EYA2: variants seen among roughly 807,000 people sequenced by gnomAD.
EYA2 encodes the protein protein phosphatase EYA2.
Under a neutral mutation model 69.2 loss-of-function variants are expected in EYA2, and 31 were observed. That is an observed-to-expected ratio of 0.45 (90% CI 0.34 to 0.60). The LOEUF (loss-of-function observed/expected upper bound fraction) is 0.60, where lower values mean the gene tolerates loss of function less well. Among genes scored for constraint, EYA2 ranks in the 20% least tolerant of loss-of-function variants. The pLI is 0.02. For missense variants in EYA2, 622 were observed against 701.2 expected, an observed-to-expected ratio of 0.89 and a Z score of 1.28; for synonymous variants, 257 against 279.4, an observed-to-expected ratio of 0.92 and a Z score of 0.80.
At chr20:47,075,881 G>A (rs182421552) in intron 7 of EYA2, among the ~76,000 whole-genome samples, 125 of 152,028 alleles carry the variant, frequency 8.2e-4, no homozygotes, top group African/African-American at 2.9e-3. Context: ...TAGGTCCTTG[G>A]GTCTATTGTT....
intron 9 of EYA2, among the ~76,000 whole-genome samples, chr20:47,113,024 A>T (rs1199583135): frequency 6.6e-6 from 1 of 151,708 alleles, no homozygotes; most frequent in Non-Finnish European, 1.5e-5. Context: ...AGCATGCACC[A>T]CCACGCCCGG....
chr20:46,957,344 A>G (rs1323942129), intron 1 of EYA2, among the ~76,000 whole-genome samples: 1 of 152,216 alleles, frequency 6.6e-6, no homozygotes, highest in Non-Finnish European at 1.5e-5. Context: ...TACCAGGCTG[A>G]ATAAGATATC....
intron 11 of EYA2, 124 bp from the exon 12 acceptor site, chr20:47,172,583 C>T (rs1365378047): frequency 8.9e-6 from 8 of 903,944 alleles, no homozygotes; most frequent in Non-Finnish European, 1.3e-5. Flanking sequence ...GCACCCTGTG[C>T]ATTTCGAGGG....
chr20:47,161,133 G>A (rs967250517), intron 10 of EYA2: 2 of 335,620 alleles, frequency 6.0e-6, no homozygotes, highest in Non-Finnish European at 1.1e-5. Flanking sequence ...GTGCCCCTGG[G>A]TGCAGGGATG....
At chr20:47,182,041 G>A (rs2034547159) in intron 14 of EYA2, among the ~76,000 whole-genome samples, 2 of 151,772 alleles carry the variant, frequency 1.3e-5, no homozygotes, top group African/African-American at 4.8e-5. Context: ...TTAAGATGGA[G>A]TTTCTCTCTT....
chr20:47,034,271 C>A (rs1008046522), intron 5 of EYA2, among the ~76,000 whole-genome samples: 1 of 152,086 alleles, frequency 6.6e-6, no homozygotes, highest in Non-Finnish European at 1.5e-5. Context: ...TCTTCTCAGA[C>A]AAATTTATTT....
At chr20:46,928,743 C>T (rs1380577778) in intron 1 of EYA2, among the ~76,000 whole-genome samples, 2 of 152,260 alleles carry the variant, frequency 1.3e-5, no homozygotes, top group Non-Finnish European at 2.9e-5. Flanking sequence ...AACATTTGCT[C>T]ACGGAAAGCT....
intron 9 of EYA2, among the ~76,000 whole-genome samples, chr20:47,113,380 G>A (rs1051989908): frequency 6.6e-6 from 1 of 152,178 alleles, no homozygotes; most frequent in Admixed American, 6.5e-5. Flanking sequence ...GGAGAGAGGG[G>A]CTGATCGGCT....
Position 47,166,612 on chromosome 20 carries a change from G to A in EYA2, c.979-2527G>A, listed in dbSNP as rs187839821. 5.6e-4 allele frequency among the ~76,000 whole-genome samples: 85 copies of A among 151,926 alleles called. No individual in the cohort carries two copies. In the East Asian group the frequency reaches 8.2e-3, roughly 15 times the overall value. ...CAGCAGCCTTTGTAAGGAGGCAGCT[G>A]CCTCGAGAAATCACCTTGCAACTAA... On this transcript the variant is annotated intron_variant, in intron 10 of 15. Transcript: ENST00000327619.
At chr20:46,905,892 AAG>A (rs1864753518) in intron 1 of EYA2, among the ~76,000 whole-genome samples, 1 of 152,344 alleles carries the variant, frequency 6.6e-6, no homozygotes, top group East Asian at 1.9e-4. Context: ...TACTCAAAGA[AAG>A]GGGAGAAAAT....
chr20:47,167,280 C>CT (rs11470455), intron 10 of EYA2, among the ~76,000 whole-genome samples: 2,619 of 111,584 alleles, frequency 0.023, 133 homozygotes, highest in African/African-American at 0.028. Flanking sequence ...GGTTTTTTTA[C>CT]TTTTTTTTTT....
chr20:47,069,518 A>C (rs1343384837), intron 5 of EYA2, among the ~76,000 whole-genome samples: 1 of 152,144 alleles, frequency 6.6e-6, no homozygotes, highest in Non-Finnish European at 1.5e-5. Flanking sequence ...AAGCTTCAGT[A>C]ATAAGGATAG....
At chr20:47,135,467 CATT>C (rs1244514822) in intron 9 of EYA2, among the ~76,000 whole-genome samples, 3 of 151,488 alleles carry the variant, frequency 2.0e-5, no homozygotes, top group East Asian at 3.9e-4. Flanking sequence ...TCATTATCAA[CATT>C]ATTATTAATT....
At chr20:47,086,051 G>T (rs2031884530) in intron 7 of EYA2, among the ~76,000 whole-genome samples, 1 of 152,182 alleles carries the variant, frequency 6.6e-6, no homozygotes, top group Admixed American at 6.6e-5. Flanking sequence ...GAAAGAAAAA[G>T]AATGAAATTA....
At chr20:46,899,317 C>A (rs149660476) in intron 1 of EYA2, among the ~76,000 whole-genome samples, 4 of 152,148 alleles carry the variant, frequency 2.6e-5, no homozygotes, top group Non-Finnish European at 5.9e-5. Context: ...CCTGCCCTGA[C>A]GTTTTTTGCC....
At chr20:46,956,312 C>T (rs528533012) in intron 1 of EYA2, among the ~76,000 whole-genome samples, 17 of 152,306 alleles carry the variant, frequency 1.1e-4, no homozygotes, top group South Asian at 8.3e-4. Context: ...AAAATTCCAT[C>T]GAATGGATAG....
At chr20:46,946,375 G>A (rs1245446999) in intron 1 of EYA2, among the ~76,000 whole-genome samples, 3 of 152,130 alleles carry the variant, frequency 2.0e-5, no homozygotes, top group East Asian at 3.8e-4. Context: ...GCATCACTGC[G>A]GTCAAAATCT....
chr20:47,171,166 C>T (rs2034313687), intron 11 of EYA2, among the ~76,000 whole-genome samples: 1 of 152,224 alleles, frequency 6.6e-6, no homozygotes, highest in Non-Finnish European at 1.5e-5. Context: ...CAGCACCGTT[C>T]TGTTTCTATA....
intron 5 of EYA2, among the ~76,000 whole-genome samples, chr20:47,016,509 A>G (rs1380181443): frequency 6.6e-6 from 1 of 152,198 alleles, no homozygotes; most frequent in Admixed American, 6.5e-5. Context: ...AATAAGCCAG[A>G]TGATTTGGGA....
Sources: gnomAD v4.1 joint callset for allele counts (sites outside exome capture counted in the v4.1 genomes callset) on GRCh38, gnomAD v4.1.1 for gene constraint, MANE v1.5 for transcripts, NCBI Gene and HGNC (gene_info 2026-07-23, HGNC 2026-07-21) for gene names.